The following ADAMTS14 variants were observed in gnomAD, a reference collection of about 807,000 sequenced individuals.
ADAMTS14 encodes the protein ADAM metallopeptidase with thrombospondin type 1 motif 14.
ADAMTS14 carries 100 observed loss-of-function variants against 128.6 expected under a neutral mutation model. That is an observed-to-expected ratio of 0.78 (90% CI 0.66 to 0.92). The LOEUF (loss-of-function observed/expected upper bound fraction) is 0.92. ADAMTS14 is among the 40% of genes least tolerant of loss of function. ADAMTS14 has a pLI of 0.00. For synonymous variants in ADAMTS14, 665 were observed against 653.8 expected (o/e 1.02, Z -0.26); for missense variants, 1,562 against 1,658.6 (o/e 0.94, Z 1.01).
At position 70,682,780 on chromosome 10, in the gene ADAMTS14, G is replaced by C. The variant is rs76978678; in HGVS notation, c.522+7785G>C. On this transcript the variant is annotated intron_variant, in intron 2 of 21. Coordinates refer to ENST00000373207, the MANE Select transcript of ADAMTS14 (RefSeq NM_080722.4). Reference sequence around the variant, plus strand: ...GTTTTCAGTGGGGCACACAGAGCCCGTGTTGGCCTTGGACCCCCTCAGGCC... The same window carrying C: ...GTTTTCAGTGGGGCACACAGAGCCCCTGTTGGCCTTGGACCCCCTCAGGCC... Among the ~76,000 whole-genome samples, 365 of 152,216 alleles carry C rather than the reference G, an allele frequency of 2.4e-3. 4 individuals are homozygous for C. The East Asian group carries it at 0.026, about 11-fold the overall frequency.
intron 19 of ADAMTS14, among the ~76,000 whole-genome samples, chr10:70,756,263 C>T (rs892985437): frequency 6.6e-6 from 1 of 152,148 alleles, no homozygotes; most frequent in Non-Finnish European, 1.5e-5. Flanking sequence ...TGAATAACTC[C>T]ATACTTTTCT....
chr10:70,756,100 A>G (rs575459912), intron 19 of ADAMTS14, among the ~76,000 whole-genome samples: 1 of 152,314 alleles, frequency 6.6e-6, no homozygotes, highest in South Asian at 2.1e-4. Flanking sequence ...TATAGAGAAT[A>G]CATTTAGGTG....
intron 13 of ADAMTS14, 75 bp downstream of exon 13, chr10:70,743,756 G>A (rs1589327733): frequency 6.8e-7 from 1 of 1,464,560 alleles, no homozygotes. Context: ...CTCCTGCCTG[G>A]GAAGATGAGC....
chr10:70,740,996 T>A lies in ADAMTS14; in HGVS notation c.1758T>A (p.Tyr586Ter), dbSNP rs372107776. The A allele has an allele frequency of 1.9e-5, 31 of 1,613,988 alleles. No individual in the cohort carries two copies. The highest frequency in any genetic ancestry group is 2.6e-5 in the Non-Finnish European group (31 of 1,179,980). The change falls in exon 12 of 22, where the codon TAT becomes TAA. Residue 586 changes from tyrosine (Y) to a stop codon, truncating the protein, a stop_gained. Transcript: ENST00000373207. LOFTEE classifies it high-confidence loss of function. ...TCTGTGTCTGTCCCAGCCCAGCCTA[T>A]GGAGGCCGCCTGTGCTTAGGGCCCA... is the stretch of plus-strand genomic sequence containing the variant. ...SRSCNNPSPA[Y>*]GGRLCLGPMF...
Position 70,707,867 on chromosome 10 carries a change from C to T in ADAMTS14, c.680-721C>T, listed in dbSNP as rs560164883. 4.6e-5 allele frequency among the ~76,000 whole-genome samples: 7 copies of T among 152,308 alleles called. No individual in the cohort carries two copies. The South Asian group carries it at 1.5e-3, about 32-fold the overall frequency. On this transcript the variant is annotated intron_variant, in intron 3 of 21. Coordinates refer to ENST00000373207, the MANE Select transcript of ADAMTS14 (RefSeq NM_080722.4). ...GGATTGGAACACAGACACACTCACT[C>T]ACAGTCTCATCTGCGACTGATTTTG... is the stretch of plus-strand genomic sequence containing the variant.
intron 21 of ADAMTS14, among the ~76,000 whole-genome samples, chr10:70,759,129 T>TTTTTTTTTTTTTTTTTTTTTTTTTTTTG (rs1485675752): frequency 4.4e-5 from 5 of 112,608 alleles, no homozygotes; most frequent in African/African-American, 1.3e-4. Flanking sequence ...TCCAATCTTC[T>TTTTTTTTTTTTTTTTTTTTTTTTTTTTG]ACTTCTCTGC....
rs188284970 is a variant in ADAMTS14, at chr10:70,735,754, T to C, written c.1485+453T>C. Among the ~76,000 whole-genome samples the C allele has an allele frequency of 4.3e-4, 65 of 152,304 alleles. 1 individual carries two copies. Among genetic ancestry groups the C allele is most frequent in the Admixed American group, 2.5e-3 (38 of 15,308 alleles). Reference sequence around the variant, plus strand: ...TGCTGCCTGTGCCTGAGGACATAGATACAAGGGAGCATAACCTTGTCCCTA... The same window carrying C: ...TGCTGCCTGTGCCTGAGGACATAGACACAAGGGAGCATAACCTTGTCCCTA... On this transcript the variant is annotated intron_variant, in intron 9 of 21. Coordinates refer to ENST00000373207, the MANE Select transcript of ADAMTS14 (RefSeq NM_080722.4).
chr10:70,718,507 A>T (rs546298673), intron 4 of ADAMTS14, among the ~76,000 whole-genome samples: 94 of 149,500 alleles, frequency 6.3e-4, no homozygotes, highest in Non-Finnish European at 7.1e-4. Flanking sequence ...CCTGCCTCAG[A>T]CTCCTGAGTA....
intron 2 of ADAMTS14, among the ~76,000 whole-genome samples, chr10:70,680,649 A>G (rs1839776146): frequency 6.6e-6 from 1 of 152,178 alleles, no homozygotes; most frequent in South Asian, 2.1e-4. Context: ...GGTTGTTCAG[A>G]GGATTAAATG....
At chr10:70,710,798 A>T (rs1840830105) in intron 4 of ADAMTS14, among the ~76,000 whole-genome samples, 1 of 152,214 alleles carries the variant, frequency 6.6e-6, no homozygotes, top group Admixed American at 6.5e-5. Flanking sequence ...ATGCGCTGTC[A>T]GTGGGTGGTG....
In ADAMTS14 at chr10:70,738,953, G is replaced by A. The variant is rs945739784; in HGVS notation, c.1711G>A (p.Gly571Arg). ...GTCATGTTCGCGGTCATGTGGGGGC[G>A]GGGTGCGATCCCGCAGCCGGAGCTG... ...FGSCSRSCGGGVRSRSRSCNN... is the reference protein window; with the variant it reads ...FGSCSRSCGGRVRSRSRSCNN... Residue 571 changes from glycine (G) to arginine (R), a missense_variant, in exon 11 of 22, where the codon GGG becomes AGG. Coordinates refer to ENST00000373207, the MANE Select transcript of ADAMTS14 (RefSeq NM_080722.4). 9.9e-6 allele frequency: 16 copies of A among 1,613,440 alleles called. No individual in the cohort carries two copies. Among genetic ancestry groups the A allele is most frequent in the South Asian group, 2.2e-5 (2 of 91,054 alleles).
chr10:70,735,888 T>C (rs560268258), intron 9 of ADAMTS14, among the ~76,000 whole-genome samples: 16 of 152,286 alleles, frequency 1.1e-4, no homozygotes, highest in African/African-American at 3.8e-4. Context: ...TGTCAGAGAA[T>C]GGGCCATCTC....
intron 2 of ADAMTS14, among the ~76,000 whole-genome samples, chr10:70,688,856 G>C (rs12241183): frequency 1.9e-3 from 2 of 1,052 alleles, no homozygotes; most frequent in Non-Finnish European, 0.014. Context: ...AGGGGGAGGG[G>C]GAGGGGGAGG....
At chr10:70,699,482 C>T (rs1840431692) in intron 2 of ADAMTS14, among the ~76,000 whole-genome samples, 1 of 152,182 alleles carries the variant, frequency 6.6e-6, no homozygotes, top group Non-Finnish European at 1.5e-5. Context: ...AGGGAGCTCT[C>T]TGTCACTGGA....
At chr10:70,726,266 T>G (rs1464524798) in intron 4 of ADAMTS14, among the ~76,000 whole-genome samples, 1 of 152,226 alleles carries the variant, frequency 6.6e-6, no homozygotes, top group African/African-American at 2.4e-5. Flanking sequence ...TGGCAGCTGT[T>G]GGAGCAAGGG....
chr10:70,733,304 A>G (rs926255213), intron 7 of ADAMTS14, among the ~76,000 whole-genome samples: 10 of 152,242 alleles, frequency 6.6e-5, no homozygotes, highest in Admixed American at 6.5e-4. Context: ...ACTAATTGTG[A>G]AGAGCAAACT....
At chr10:70,697,771 A>G (rs899563553) in intron 2 of ADAMTS14, among the ~76,000 whole-genome samples, 1 of 151,588 alleles carries the variant, frequency 6.6e-6, no homozygotes, top group African/African-American at 2.4e-5. Context: ...CTGGGCTTAC[A>G]CCCTGAGGGG....
chr10:70,752,058 G>A, intron 17 of ADAMTS14, 37 bp from the exon 18 acceptor site: 1 of 1,585,886 alleles, frequency 6.3e-7, no homozygotes, highest in Non-Finnish European at 8.6e-7. Flanking sequence ...GGGGGGCCTG[G>A]CTGGACTAGG....
In ADAMTS14 at chr10:70,735,308, A is replaced by T. The variant is rs1176301264; in HGVS notation, c.1485+7A>T. The T allele has an allele frequency of 1.9e-6, 3 of 1,613,566 alleles. No homozygotes were observed. Among genetic ancestry groups the T allele is most frequent in the Non-Finnish European group, 2.5e-6 (3 of 1,179,812 alleles). On this transcript the variant is annotated splice_region_variant and intron_variant, in intron 9 of 21. Transcript: ENST00000373207. ...CTACCAGACCTGCTTGGCAGTAAGT[A>T]GCCATCTGGCCTCTGCCAGGTGGTT...
Sources: gnomAD v4.1 joint callset for allele counts (sites outside exome capture counted in the v4.1 genomes callset) on GRCh38, gnomAD v4.1.1 for gene constraint, MANE v1.5 for transcripts, NCBI Gene and HGNC (gene_info 2026-07-23, HGNC 2026-07-21) for gene names.